DMD: variants seen among roughly 807,000 people sequenced by gnomAD.
DMD encodes the protein dystrophin, also known as mutant dystrophin.
In DMD, 63 loss-of-function variants were observed where a neutral mutation model predicts 330.1. The ratio of observed to expected loss-of-function variants is 0.19; its 90% CI spans 0.16 to 0.24. DMD has a LOEUF of 0.24. Among genes scored for constraint, DMD ranks in the 10% least tolerant of loss-of-function variants. DMD has a pLI of 1.00. For synonymous variants in DMD, 1,223 were observed against 959.8 expected (o/e 1.27, Z -5.07); for missense variants, 3,344 against 2,684.1 (o/e 1.25, Z -5.43).
At chrX:32,279,891 G>A (rs1227652592) in intron 43 of DMD, among the ~76,000 whole-genome samples, 1 of 104,720 alleles carries the variant, frequency 9.5e-6, no homozygotes, top group African/African-American at 3.5e-5. Flanking sequence ...ATACTTGCAT[G>A]CCTATATCAA....
Position 32,543,505 on chromosome X carries a change from T to C in DMD, c.2168+1654A>G, listed in dbSNP as rs1369748437. ...CCTATTACTCTGTTTGGAGAACTGT[T>C]GGAGGGTTGTTGGAATGTTGCAAAG... On this transcript the variant is annotated intron_variant, in intron 17 of 78. Coordinates refer to ENST00000357033, the MANE Select transcript of DMD (RefSeq NM_004006.3). Among the ~76,000 whole-genome samples, 3 of 111,777 alleles carry C rather than the reference T, an allele frequency of 2.7e-5. No homozygotes were observed. The East Asian group carries it at 8.4e-4, about 31-fold the overall frequency.
chrX:31,144,149 G>A (rs892766086), intron 76 of DMD, among the ~76,000 whole-genome samples: 6 of 111,979 alleles, frequency 5.4e-5, no homozygotes, highest in Admixed American at 4.7e-4. Flanking sequence ...AGAGGAGGAT[G>A]TGCCTCTTCC....
intron 27 of DMD, among the ~76,000 whole-genome samples, chrX:32,445,151 A>G (rs2098298056): frequency 1.8e-5 from 2 of 111,630 alleles, no homozygotes; most frequent in Admixed American, 1.9e-4. Context: ...GAGGTACTAT[A>G]AAAGCCTAGG....
chrX:32,211,802 A>G (rs2097094784), intron 44 of DMD, among the ~76,000 whole-genome samples: 1 of 112,030 alleles, frequency 8.9e-6, no homozygotes, highest in Non-Finnish European at 1.9e-5. Context: ...CAGCAGCATT[A>G]TTTCATAAAA....
intron 2 of DMD, among the ~76,000 whole-genome samples, chrX:32,937,702 T>C (rs2090116553): frequency 9.2e-6 from 1 of 108,723 alleles, no homozygotes; most frequent in East Asian, 2.9e-4. Context: ...GGTGAATGGA[T>C]GGATGAAGTC....
intron 76 of DMD, among the ~76,000 whole-genome samples, chrX:31,137,310 C>T (rs1436906962): frequency 1.8e-5 from 2 of 112,423 alleles, no homozygotes; most frequent in African/African-American, 3.2e-5. Context: ...TGAGCCACCA[C>T]GCCCAGGCTC....
intron 2 of DMD, among the ~76,000 whole-genome samples, chrX:32,930,767 T>C (rs1436146182): frequency 3.6e-5 from 4 of 110,313 alleles, no homozygotes; most frequent in Admixed American, 9.8e-5. Flanking sequence ...TTATCTCAAA[T>C]ATTACCCCAT....
chrX:31,732,911 C>A (rs1474716648), intron 51 of DMD, among the ~76,000 whole-genome samples: 1 of 111,459 alleles, frequency 9.0e-6, no homozygotes, highest in Non-Finnish European at 1.9e-5. Context: ...TAACTTAAAG[C>A]GAACAAAACT....
rs142736127 is a variant in DMD at position 32,675,766 on chromosome X, G to A, written c.960+22104C>T. ...TTAACCAGCTTATCAATTTTCTCAA[G>A]TGTAAAATGGATATATTAACAGAAT... On this transcript the variant is annotated intron_variant, in intron 9 of 78. Transcript: ENST00000357033. Among the ~76,000 whole-genome samples the A allele has an allele frequency of 3.8e-3, 422 of 111,817 alleles. 2 individuals are homozygous for A. The highest frequency in any genetic ancestry group is 0.013 in the African/African-American group (399 of 30,904).
At chrX:32,875,265 C>T (rs927165436) in intron 2 of DMD, among the ~76,000 whole-genome samples, 1 of 111,582 alleles carries the variant, frequency 9.0e-6, no homozygotes, top group African/African-American at 3.3e-5. Context: ...TTCTATTTAA[C>T]AGATTACACC....
At chrX:33,023,738 A>T (rs1176043465) in intron 1 of DMD, among the ~76,000 whole-genome samples, 1 of 111,585 alleles carries the variant, frequency 9.0e-6, no homozygotes, top group East Asian at 2.8e-4. Context: ...TAAACATTTC[A>T]AGTCATGGGC....
chrX:32,743,842 G>C (rs1224854318), intron 7 of DMD, among the ~76,000 whole-genome samples: 1 of 111,220 alleles, frequency 9.0e-6, no homozygotes. Context: ...GTGATGGGTG[G>C]TTAGTCTCTC....
chrX:32,966,707 C>G (rs530840365), intron 2 of DMD, among the ~76,000 whole-genome samples: 28 of 111,780 alleles, frequency 2.5e-4, no homozygotes, highest in African/African-American at 8.8e-4. Flanking sequence ...ACAGTTTGAG[C>G]TGCAGCACCC....
chrX:32,576,497 G>A (rs1401935724), intron 13 of DMD, among the ~76,000 whole-genome samples: 1 of 110,624 alleles, frequency 9.0e-6, no homozygotes, highest in Non-Finnish European at 1.9e-5. Flanking sequence ...ACCTAGACAG[G>A]TACTGAGTAA....
chrX:32,346,170 C>T (rs1295726353), intron 38 of DMD, 90 bp from the exon 39 acceptor site: 2 of 1,006,895 alleles, frequency 2.0e-6, no homozygotes, highest in Non-Finnish European at 2.8e-6. Context: ...TATTTAAACA[C>T]ACACAAAAAT....
chrX:32,257,070 T>A (rs1316207726), intron 43 of DMD, among the ~76,000 whole-genome samples: 1 of 111,544 alleles, frequency 9.0e-6, no homozygotes, highest in East Asian at 2.8e-4. Context: ...TCACAATTGC[T>A]ACAAAGAGAA....
chrX:33,031,928 A>G (rs979556283), intron 1 of DMD, among the ~76,000 whole-genome samples: 2 of 112,617 alleles, frequency 1.8e-5, no homozygotes, highest in African/African-American at 6.5e-5. Context: ...AGTAGTCTTA[A>G]GCAAAGACTT....
chrX:32,783,000 T>TAC (rs753137004), intron 7 of DMD, among the ~76,000 whole-genome samples: 2 of 103,817 alleles, frequency 1.9e-5, no homozygotes, highest in Non-Finnish European at 3.9e-5. Context: ...TGTGTATATA[T>TAC]ACACACACAC....
intron 7 of DMD, among the ~76,000 whole-genome samples, chrX:32,790,480 A>C (rs1311419609): frequency 1.8e-5 from 2 of 111,604 alleles, no homozygotes; most frequent in Non-Finnish European, 3.8e-5. Context: ...GGGTTCCACA[A>C]ACTCTAGAGT....
Sources: allele counts gnomAD v4.1 joint callset (sites outside exome capture counted in the v4.1 genomes callset), GRCh38; gene constraint gnomAD v4.1.1; transcripts MANE v1.5; gene names NCBI Gene and HGNC (gene_info 2026-07-23, HGNC 2026-07-21).